Variants in SLC16A7 observed in about 807,000 individuals in gnomAD.
SLC16A7 encodes the protein solute carrier family 16 member 7, also known as monocarboxylate transporter 2.
A neutral mutation model predicts 34.9 loss-of-function variants in SLC16A7; 33 were observed. The observed-to-expected ratio is 0.94, with a 90% CI of 0.72 to 1.26. The LOEUF (loss-of-function observed/expected upper bound fraction) is 1.26. Among genes scored for constraint, SLC16A7 ranks in the 50% most tolerant of loss-of-function variants. SLC16A7 has a pLI of 0.00. For missense variants in SLC16A7, 573 were observed against 578.1 expected (o/e 0.99, Z 0.09); for synonymous variants, 201 against 206.6 (o/e 0.97, Z 0.23).
intron 2 of SLC16A7, among the ~76,000 whole-genome samples, chr12:59,655,522 A>T (rs947351179): frequency 3.3e-5 from 5 of 151,920 alleles, no homozygotes; most frequent in Non-Finnish European, 7.4e-5. Flanking sequence ...CATTTAAATG[A>T]TTATAAAGTA....
chr12:59,712,159 G>T (rs1452836540), intron 3 of SLC16A7, among the ~76,000 whole-genome samples: 1 of 152,190 alleles, frequency 6.6e-6, no homozygotes, highest in African/African-American at 2.4e-5. Flanking sequence ...TTAGGAAATT[G>T]TAGTTTTTGA....
chr12:59,661,898 C>A (rs917673119), intron 2 of SLC16A7, among the ~76,000 whole-genome samples: 6 of 151,916 alleles, frequency 3.9e-5, no homozygotes, highest in African/African-American at 1.5e-4. Flanking sequence ...TGGATTGTTT[C>A]CTTCTGCTAT....
At chr12:59,653,501 A>C (rs1385724037) in intron 1 of SLC16A7, among the ~76,000 whole-genome samples, 1 of 151,638 alleles carries the variant, frequency 6.6e-6, no homozygotes, top group Non-Finnish European at 1.5e-5. Flanking sequence ...AAGTTAGAGT[A>C]AGATGTTATA....
In SLC16A7 at chr12:59,789,477, G is replaced by A. The variant is rs914478936; in HGVS notation, c.*9798G>A. ...TCAAAATCAGAAATGCTGTATTTAA[G>A]CTTCCTGGAAATGTCGACAATCATT... is the stretch of plus-strand genomic sequence containing the variant. On this transcript the variant is annotated 3_prime_UTR_variant, in exon 6 of 6. Coordinates refer to ENST00000547379, the MANE Select transcript of SLC16A7 (RefSeq NM_001270623.2). The A allele has an allele frequency of 1.3e-5, 2 of 152,038 alleles. No homozygotes were observed. The highest frequency in any genetic ancestry group is 2.1e-4 in the South Asian group (1 of 4,826). The allele number at this position is 152,038 out of a possible 1,614,324, so 9.4% of individuals were successfully genotyped here.
chr12:59,700,148 C>G (rs1463750696), intron 2 of SLC16A7, among the ~76,000 whole-genome samples: 1 of 151,742 alleles, frequency 6.6e-6, no homozygotes, highest in Non-Finnish European at 1.5e-5. Flanking sequence ...AGTAAGGTGT[C>G]TTTAAACAGA....
At chr12:59,733,367 T>G (rs1394731429) in intron 3 of SLC16A7, among the ~76,000 whole-genome samples, 1 of 152,168 alleles carries the variant, frequency 6.6e-6, no homozygotes, top group Non-Finnish European at 1.5e-5. Context: ...GCATGCCGGC[T>G]GCAGCAGGGT....
chr12:59,659,475 G>A lies in SLC16A7; in HGVS notation c.-31+4225G>A, dbSNP rs151178320. On this transcript the variant is annotated intron_variant, in intron 2 of 5. Transcript: ENST00000547379. ...CAGCGAGTGACTATTTGAGGAAAGA[G>A]AAGCTGCCTTATTTATCCTGGCATC... 3.6e-3 allele frequency among the ~76,000 whole-genome samples: 548 copies of A among 152,158 alleles called. 1 individual carries two copies. Among genetic ancestry groups the A allele is most frequent in the African/African-American group, 0.012 (517 of 41,524 alleles).
chr12:59,673,051 T>A, intron 2 of SLC16A7, among the ~76,000 whole-genome samples: 1 of 152,270 alleles, frequency 6.6e-6, no homozygotes, highest in Non-Finnish European at 1.5e-5. Context: ...AAGAGTTGAC[T>A]TTGACTCAGG....
At chr12:59,611,060 G>A (rs1565616928) in intron 1 of SLC16A7, among the ~76,000 whole-genome samples, 1 of 152,190 alleles carries the variant, frequency 6.6e-6, no homozygotes, top group African/African-American at 2.4e-5. Flanking sequence ...AGTGGTGAGA[G>A]AGCTCTCTTA....
At chr12:59,720,545 T>C (rs1875457056) in intron 3 of SLC16A7, among the ~76,000 whole-genome samples, 1 of 152,098 alleles carries the variant, frequency 6.6e-6, no homozygotes, top group Non-Finnish European at 1.5e-5. Flanking sequence ...GGGAAAATTA[T>C]ATATCCAATC....
chr12:59,614,330 C>A (rs118132652), intron 1 of SLC16A7, among the ~76,000 whole-genome samples: 5,926 of 152,194 alleles, frequency 0.039, 163 homozygotes, highest in Middle Eastern at 0.1. Flanking sequence ...AGCCACTGTG[C>A]CTGGCCAAGA....
chr12:59,737,559 A>G (rs909346400), intron 3 of SLC16A7, among the ~76,000 whole-genome samples: 1 of 152,232 alleles, frequency 6.6e-6, no homozygotes, highest in Non-Finnish European at 1.5e-5. Flanking sequence ...TTTGACTGCA[A>G]TAAAAAGGGA....
chr12:59,638,261 G>A (rs539441404), intron 1 of SLC16A7, among the ~76,000 whole-genome samples: 6 of 152,212 alleles, frequency 3.9e-5, no homozygotes, highest in African/African-American at 1.4e-4. Context: ...GAAGGGGCAA[G>A]ATCTTTCTGG....
At chr12:59,610,894 G>A (rs1339358371) in intron 1 of SLC16A7, among the ~76,000 whole-genome samples, 1 of 152,196 alleles carries the variant, frequency 6.6e-6, no homozygotes, top group Non-Finnish European at 1.5e-5. Context: ...CTATAACAAA[G>A]TACCATAGAC....
At chr12:59,624,630 G>A (rs1051877568) in intron 1 of SLC16A7, among the ~76,000 whole-genome samples, 8 of 151,596 alleles carry the variant, frequency 5.3e-5, no homozygotes, top group African/African-American at 1.9e-4. Flanking sequence ...TATAAAATTG[G>A]TAATATGAAA....
chr12:59,651,309 A>T (rs1868338702), intron 1 of SLC16A7, among the ~76,000 whole-genome samples: 1 of 152,154 alleles, frequency 6.6e-6, no homozygotes, highest in Non-Finnish European at 1.5e-5. Flanking sequence ...TTGAGATCAA[A>T]GCTTATTGTC....
At chr12:59,675,659 A>G (rs1346837763) in intron 2 of SLC16A7, among the ~76,000 whole-genome samples, 1 of 152,198 alleles carries the variant, frequency 6.6e-6, no homozygotes, top group African/African-American at 2.4e-5. Context: ...CCTATTTTGT[A>G]ATCAACCATA....
rs144646362 is a variant in SLC16A7, at chr12:59,623,190, A to G, written c.-130+26954A>G. 3.3e-3 allele frequency among the ~76,000 whole-genome samples: 505 copies of G among 151,764 alleles called. 6 individuals carry two copies. The highest frequency in any genetic ancestry group is 2.6e-3 in the Non-Finnish European group (177 of 67,810). ...AGCATCTCTCATGGTCGAAATCACC[A>G]AAGCTTTTTAATAAGCTTTCATCAT... On this transcript the variant is annotated intron_variant, in intron 1 of 5. Coordinates refer to ENST00000547379, the MANE Select transcript of SLC16A7 (RefSeq NM_001270623.2).
intron 2 of SLC16A7, among the ~76,000 whole-genome samples, chr12:59,661,094 GTGGT>G (rs962846158): frequency 6.6e-6 from 1 of 152,108 alleles, no homozygotes; most frequent in African/African-American, 2.4e-5. Flanking sequence ...AAGTGGTTGT[GTGGT>G]TGGGTGGGTG....
Sources: gnomAD v4.1 joint callset for allele counts (sites outside exome capture counted in the v4.1 genomes callset) on GRCh38, gnomAD v4.1.1 for gene constraint, MANE v1.5 for transcripts, NCBI Gene and HGNC (gene_info 2026-07-23, HGNC 2026-07-21) for gene names.